The following EPHA4 variants were observed in gnomAD, a reference collection of about 807,000 sequenced individuals.
The protein encoded by EPHA4 is ephrin type-A receptor 4.
EPHA4 carries 19 observed loss-of-function variants against 108.3 expected under a neutral mutation model. That is an observed-to-expected ratio of 0.18 (90% confidence interval 0.12 to 0.26). The LOEUF (loss-of-function observed/expected upper bound fraction) is 0.26. Among genes scored for constraint, EPHA4 ranks in the 10% least tolerant of loss-of-function variants. The pLI is 1.00. For synonymous variants in EPHA4, 449 were observed against 455.5 expected (o/e 0.99, Z 0.18); for missense variants, 917 against 1,254.0 (o/e 0.73, Z 4.06).
intron 4 of EPHA4, among the ~76,000 whole-genome samples, chr2:221,491,620 C>T (rs888963834): frequency 6.6e-6 from 1 of 152,072 alleles, no homozygotes; most frequent in Non-Finnish European, 1.5e-5. Flanking sequence ...TCAATTTCAC[C>T]TCACTTCCCT....
intron 3 of EPHA4, among the ~76,000 whole-genome samples, chr2:221,543,885 A>G (rs73997117): frequency 0.023 from 3,428 of 152,296 alleles, 108 homozygotes; most frequent in African/African-American, 0.07. Flanking sequence ...ATAAAATATC[A>G]TAAACTGGGT....
chr2:221,492,854 C>T (rs1190325401), intron 4 of EPHA4, among the ~76,000 whole-genome samples: 2 of 152,186 alleles, frequency 1.3e-5, no homozygotes, highest in Non-Finnish European at 2.9e-5. Context: ...GAGTTGGTGT[C>T]TCAATCTGAG....
chr2:221,468,611 A>C (rs2106127748), intron 5 of EPHA4, among the ~76,000 whole-genome samples: 1 of 152,314 alleles, frequency 6.6e-6, no homozygotes. Context: ...ACAGGTATTA[A>C]TCACAAAGAC....
chr2:221,497,039 C>G (rs913877980), intron 4 of EPHA4, among the ~76,000 whole-genome samples: 10 of 143,554 alleles, frequency 7.0e-5, no homozygotes, highest in African/African-American at 2.1e-4. Flanking sequence ...TACAGGGCAG[C>G]CATCAAGTAA....
At chr2:221,461,991 T>TTA (rs1228080072) in intron 5 of EPHA4, among the ~76,000 whole-genome samples, 1 of 151,028 alleles carries the variant, frequency 6.6e-6, no homozygotes, top group East Asian at 1.9e-4. Context: ...CATTCTTTTT[T>TTA]TTTTTTTTTT....
At chr2:221,496,431 C>G (rs1271353537) in intron 4 of EPHA4, among the ~76,000 whole-genome samples, 1 of 152,102 alleles carries the variant, frequency 6.6e-6, no homozygotes, top group Non-Finnish European at 1.5e-5. Context: ...ATTATATTCA[C>G]TAGGAAGGGA....
intron 4 of EPHA4, among the ~76,000 whole-genome samples, chr2:221,490,137 C>A (rs1230072940): frequency 9.2e-6 from 1 of 108,808 alleles, no homozygotes; most frequent in African/African-American, 3.7e-5. Flanking sequence ...TGAATTGAGA[C>A]CCTGTCTCAA....
chr2:221,477,712 C>T (rs1203778568), intron 5 of EPHA4, among the ~76,000 whole-genome samples: 1 of 152,190 alleles, frequency 6.6e-6, no homozygotes, highest in East Asian at 1.9e-4. Flanking sequence ...AATGTTTTCC[C>T]ACTCTTAGAA....
chr2:221,568,703 C>T lies in EPHA4; in HGVS notation c.159+15G>A. 1 of 1,607,536 alleles carries T rather than the reference C, an allele frequency of 6.2e-7. No individual in the cohort carries two copies. The highest frequency in any genetic ancestry group is 1.1e-5 in the South Asian group (1 of 89,742). ...CTTTTTTACCCTTTGGATCAGAGAG[C>T]AACTCAGGACTTACCCCTCCTTCCA... On this transcript the variant is annotated intron_variant, in intron 2 of 17. Transcript: ENST00000281821.
chr2:221,520,533 CACACACACACAGAG>C (rs768918264), intron 3 of EPHA4, among the ~76,000 whole-genome samples: 34 of 126,706 alleles, frequency 2.7e-4, no homozygotes, highest in African/African-American at 1.0e-3. Context: ...CACACACACA[CACACACACACAGAG>C]AGAGAGAGAG....
intron 14 of EPHA4, 73 bp from the exon 15 acceptor site, chr2:221,430,224 C>G: frequency 6.8e-7 from 1 of 1,469,788 alleles, no homozygotes; most frequent in South Asian, 1.4e-5. Context: ...TTCCGACTGG[C>G]ATGTTTCTTG....
At chr2:221,441,837 C>G (rs1470763956) in intron 11 of EPHA4, among the ~76,000 whole-genome samples, 2 of 152,158 alleles carry the variant, frequency 1.3e-5, no homozygotes, top group Non-Finnish European at 2.9e-5. Context: ...CCCATCTCAA[C>G]TGCAGCCTCA....
chr2:221,571,089 C>T lies in EPHA4; in HGVS notation c.91+1069G>A, dbSNP rs981820996. Among the ~76,000 whole-genome samples the T allele has an allele frequency of 1.3e-5, 2 of 152,144 alleles. No homozygotes were observed. The highest frequency in any genetic ancestry group is 6.5e-5 in the Admixed American group (1 of 15,282). On this transcript the variant is annotated intron_variant, in intron 1 of 17. Transcript: ENST00000281821. This position sits in a 1 kb window ranked among gnomAD's most constrained non-coding sequence, Gnocchi z 6.3. ...ATCTGCGCACAGACATACAATCCTC[C>T]GCGTCCGCTTCCACGCAGGCATTCG...
chr2:221,551,470 C>T (rs562325396), intron 3 of EPHA4, among the ~76,000 whole-genome samples: 1 of 152,234 alleles, frequency 6.6e-6, no homozygotes, highest in South Asian at 2.1e-4. Context: ...TAAAACATTA[C>T]TTCTCTTCAG....
chr2:221,501,786 A>G (rs1574616571), intron 3 of EPHA4, among the ~76,000 whole-genome samples: 1 of 152,248 alleles, frequency 6.6e-6, no homozygotes, highest in Non-Finnish European at 1.5e-5. Context: ...TCGAAAGATC[A>G]ACAAAGGCAA....
intron 3 of EPHA4, among the ~76,000 whole-genome samples, chr2:221,540,723 C>T (rs1693810180): frequency 1.3e-5 from 2 of 152,112 alleles, no homozygotes; most frequent in African/African-American, 4.8e-5. Flanking sequence ...TAAGGATTCC[C>T]TCTACTAAGG....
chr2:221,518,488 A>G (rs1464928196), intron 3 of EPHA4, among the ~76,000 whole-genome samples: 1 of 152,182 alleles, frequency 6.6e-6, no homozygotes, highest in Non-Finnish European at 1.5e-5. Context: ...CATCTCTAAC[A>G]TTTGGTAACC....
intron 2 of EPHA4, among the ~76,000 whole-genome samples, chr2:221,566,753 G>T (rs1015331584): frequency 6.7e-6 from 1 of 149,978 alleles, no homozygotes; most frequent in African/African-American, 2.5e-5. Flanking sequence ...AAGTGACCAG[G>T]TGCTCTTTCA....
chr2:221,421,163 G>A (rs1406581784), intron 17 of EPHA4, among the ~76,000 whole-genome samples: 3 of 152,138 alleles, frequency 2.0e-5, no homozygotes, highest in African/African-American at 4.8e-5. Context: ...CAGGCGTGGT[G>A]GCGGGCGCCT....
Sources: gnomAD v4.1 joint callset for allele counts (sites outside exome capture counted in the v4.1 genomes callset) on GRCh38, gnomAD v4.1.1 for gene constraint, Gnocchi (gnomAD v3.1) non-coding constraint, MANE v1.5 for transcripts, NCBI Gene and HGNC (gene_info 2026-07-23, HGNC 2026-07-21) for gene names.